SLC25A21: variants seen among roughly 807,000 people sequenced by gnomAD.
The protein encoded by SLC25A21 is mitochondrial 2-oxodicarboxylate carrier.
SLC25A21 carries 47 observed loss-of-function variants against 43.8 expected under a neutral mutation model. The observed-to-expected ratio is 1.07, with a 90% CI of 0.85 to 1.37. The LOEUF is 1.37. Among genes scored for constraint, SLC25A21 ranks in the 40% most tolerant of loss-of-function variants. The probability of loss-of-function intolerance (pLI) is 0.00; values close to 1 mark genes in which losing one functional copy is unlikely to be tolerated. For missense variants in SLC25A21, 352 were observed against 350.2 expected, an observed-to-expected ratio of 1.00 and a Z score of -0.04; for synonymous variants, 131 against 121.3, an observed-to-expected ratio of 1.08 and a Z score of -0.52.
intron 1 of SLC25A21, among the ~76,000 whole-genome samples, chr14:37,103,631 CTT>C (rs1354166725): frequency 6.6e-6 from 1 of 152,186 alleles, no homozygotes; most frequent in South Asian, 2.1e-4. Flanking sequence ...GATCCATGTT[CTT>C]TCCACTACAT....
Position 37,094,210 on chromosome 14 carries a change from A to C in SLC25A21, c.70+78071T>G, listed in dbSNP as rs562204111. On this transcript the variant is annotated intron_variant, in intron 1 of 9. Coordinates refer to ENST00000331299, the MANE Select transcript of SLC25A21 (RefSeq NM_030631.4). ...CCATGACAGACTTTAATCAGGAATT[A>C]GATAATTTTTCTAAAGATCTAGATA... is the stretch of plus-strand genomic sequence containing the variant. 2.0e-5 allele frequency among the ~76,000 whole-genome samples: 3 copies of C among 152,294 alleles called. No individual in the cohort carries two copies. In the South Asian group the frequency reaches 6.2e-4, roughly 32 times the overall value.
intron 1 of SLC25A21, among the ~76,000 whole-genome samples, chr14:37,164,894 C>T (rs982984597): frequency 1.3e-5 from 2 of 152,166 alleles, no homozygotes; most frequent in African/African-American, 4.8e-5. Context: ...TCATTTCACT[C>T]TTATTTGACT....
At chr14:36,985,953 C>T (rs1346679517) in intron 1 of SLC25A21, among the ~76,000 whole-genome samples, 1 of 152,076 alleles carries the variant, frequency 6.6e-6, no homozygotes, top group Non-Finnish European at 1.5e-5. Context: ...CACATGTCTC[C>T]ACCATTCTTT....
chr14:36,761,683 C>A (rs1463254947), intron 3 of SLC25A21, among the ~76,000 whole-genome samples: 2 of 152,136 alleles, frequency 1.3e-5, no homozygotes, highest in Non-Finnish European at 2.9e-5. Flanking sequence ...TAAGAATTAA[C>A]ATGGGATAGA....
chr14:36,833,036 A>C (rs1189433555), intron 2 of SLC25A21, among the ~76,000 whole-genome samples: 2 of 152,206 alleles, frequency 1.3e-5, no homozygotes, highest in Non-Finnish European at 2.9e-5. Flanking sequence ...ATTATGGTTA[A>C]ATTTTCAGTC....
At chr14:36,778,613 A>G (rs1190466326) in intron 3 of SLC25A21, among the ~76,000 whole-genome samples, 2 of 152,174 alleles carry the variant, frequency 1.3e-5, no homozygotes, top group Non-Finnish European at 2.9e-5. Flanking sequence ...TATTTATTAG[A>G]ATGGAAGCCC....
intron 1 of SLC25A21, among the ~76,000 whole-genome samples, chr14:37,009,986 C>T (rs1053637203): frequency 6.6e-6 from 1 of 152,152 alleles, no homozygotes; most frequent in African/African-American, 2.4e-5. Flanking sequence ...AGTGTGTGAA[C>T]AGAATGGTGG....
chr14:37,137,103 C>T (rs1481790413), intron 1 of SLC25A21, among the ~76,000 whole-genome samples: 1 of 152,178 alleles, frequency 6.6e-6, no homozygotes, highest in East Asian at 1.9e-4. Flanking sequence ...CGGGTTCACG[C>T]CACTCTGCCT....
chr14:36,934,194 A>T lies in SLC25A21; in HGVS notation c.71-59190T>A, dbSNP rs144214659. Among the ~76,000 whole-genome samples the T allele has an allele frequency of 4.9e-3, 751 of 152,296 alleles. 4 individuals are homozygous for T. The highest frequency in any genetic ancestry group is 9.3e-3 in the Non-Finnish European group (635 of 68,008). On this transcript the variant is annotated intron_variant, in intron 1 of 9. Transcript: ENST00000331299. ...ATAAGTAGAAATTACATTATTATTA[A>T]CCTTTTAGGACTTGAGTAAAGAACA...
chr14:36,746,155 C>T (rs980553681), intron 3 of SLC25A21, among the ~76,000 whole-genome samples: 2 of 152,160 alleles, frequency 1.3e-5, no homozygotes, highest in Non-Finnish European at 2.9e-5. Context: ...CTGCACTCAT[C>T]TGTTTATTGC....
At chr14:36,987,046 G>A (rs2138707433) in intron 1 of SLC25A21, among the ~76,000 whole-genome samples, 1 of 152,280 alleles carries the variant, frequency 6.6e-6, no homozygotes, top group East Asian at 1.9e-4. Flanking sequence ...AAACAAGTGA[G>A]ACTAGAGAAA....
At chr14:36,694,518 C>G (rs925206897) in intron 7 of SLC25A21, among the ~76,000 whole-genome samples, 1 of 152,160 alleles carries the variant, frequency 6.6e-6, no homozygotes, top group African/African-American at 2.4e-5. Flanking sequence ...CTAATTTACA[C>G]TCCCACCAAC....
At chr14:36,947,156 A>ACATCTACCTGCAC (rs751224473) in intron 1 of SLC25A21, among the ~76,000 whole-genome samples, 2 of 152,196 alleles carry the variant, frequency 1.3e-5, no homozygotes, top group Non-Finnish European at 2.9e-5. Context: ...GAATCCAATT[A>ACATCTACCTGCAC]CATCTACCTG....
intron 1 of SLC25A21, among the ~76,000 whole-genome samples, chr14:37,019,851 T>A (rs544299445): frequency 4.0e-4 from 61 of 151,746 alleles, no homozygotes; most frequent in Non-Finnish European, 6.8e-4. Context: ...CCACAGCAAG[T>A]TTTTTTAAAA....
intron 1 of SLC25A21, among the ~76,000 whole-genome samples, chr14:36,921,707 G>A (rs908310110): frequency 3.3e-5 from 5 of 152,156 alleles, no homozygotes; most frequent in Admixed American, 2.0e-4. Context: ...AGGGACAAGA[G>A]CAGGCTTCCA....
chr14:37,039,313 A>C (rs1961394567), intron 1 of SLC25A21, among the ~76,000 whole-genome samples: 1 of 152,290 alleles, frequency 6.6e-6, no homozygotes, highest in Middle Eastern at 3.4e-3. Flanking sequence ...AAATTGAAAA[A>C]TTTTTTGACA....
intron 5 of SLC25A21, among the ~76,000 whole-genome samples, chr14:36,727,280 G>A (rs1447659606): frequency 6.6e-6 from 1 of 152,162 alleles, no homozygotes; most frequent in Non-Finnish European, 1.5e-5. Flanking sequence ...TCTGTAAAAT[G>A]GAAATAATAA....
chr14:37,047,442 A>G (rs1304405311), intron 1 of SLC25A21, among the ~76,000 whole-genome samples: 1 of 152,198 alleles, frequency 6.6e-6, no homozygotes, highest in Non-Finnish European at 1.5e-5. Flanking sequence ...TAAAGGGGCA[A>G]TGTAGCAAAC....
At chr14:36,976,598 TGAGAG>T (rs1432677518) in intron 1 of SLC25A21, among the ~76,000 whole-genome samples, 19 of 151,880 alleles carry the variant, frequency 1.3e-4, no homozygotes, top group African/African-American at 4.6e-4. Flanking sequence ...CAGGACATGG[TGAGAG>T]GATTTGCCTC....
Sources: gnomAD v4.1 joint callset for allele counts (sites outside exome capture counted in the v4.1 genomes callset) on GRCh38, gnomAD v4.1.1 for gene constraint, MANE v1.5 for transcripts, NCBI Gene and HGNC (gene_info 2026-07-23, HGNC 2026-07-21) for gene names.